CFAP300: variants seen among roughly 807,000 people sequenced by gnomAD.
CFAP300 encodes cilia and flagella associated protein 300, also known as cilia- and flagella-associated protein 300.
In CFAP300, 32 loss-of-function variants were observed where a neutral mutation model predicts 33.0. The observed-to-expected ratio is 0.97, with a 90% CI of 0.73 to 1.30. The LOEUF (loss-of-function observed/expected upper bound fraction) is 1.30, where lower values mean the gene tolerates loss of function less well. Ranked by LOEUF, CFAP300 falls within the 50% of genes most tolerant of loss-of-function variation. CFAP300 has a pLI of 0.00. For synonymous variants in CFAP300, 102 were observed against 106.8 expected (o/e 0.95, Z 0.28); for missense variants, 356 against 318.1 (o/e 1.12, Z -0.90).
In CFAP300 at chr11:102,057,372, G is replaced by A. The variant is rs537038400; in HGVS notation, c.193-1508G>A. Reference sequence around the variant, plus strand: ...AAAAAAAGAAAAAAAGAAAACTTTCGTTCCATGCACCAGCAGCTGACTCAA... The same window carrying A: ...AAAAAAAGAAAAAAAGAAAACTTTCATTCCATGCACCAGCAGCTGACTCAA... On this transcript the variant is annotated intron_variant, in intron 2 of 6. Transcript: ENST00000434758. Among the ~76,000 whole-genome samples the A allele has an allele frequency of 1.6e-4, 24 of 149,794 alleles. 1 individual carries two copies. In the South Asian group the frequency reaches 2.5e-3, roughly 16 times the overall value.
chr11:102,059,676 C>A (rs568689849), intron 3 of CFAP300, among the ~76,000 whole-genome samples: 1 of 151,912 alleles, frequency 6.6e-6, no homozygotes, highest in Admixed American at 6.6e-5. Context: ...AAAGTGTGGG[C>A]AAGAATGGTC....
chr11:102,077,286 A>G (rs1279440037), intron 5 of CFAP300, among the ~76,000 whole-genome samples: 1 of 152,220 alleles, frequency 6.6e-6, no homozygotes, highest in Non-Finnish European at 1.5e-5. Flanking sequence ...TTTTCCCAAC[A>G]TTCCCTTCTC....
At chr11:102,076,635 A>T (rs1005096851) in intron 5 of CFAP300, among the ~76,000 whole-genome samples, 4 of 152,236 alleles carry the variant, frequency 2.6e-5, no homozygotes, top group African/African-American at 9.6e-5. Flanking sequence ...TTATGAAGAT[A>T]TTGGATCATC....
chr11:102,072,259 C>G (rs1276619604), intron 4 of CFAP300, among the ~76,000 whole-genome samples: 1 of 151,712 alleles, frequency 6.6e-6, no homozygotes, highest in African/African-American at 2.4e-5. Flanking sequence ...TTTATGTAGT[C>G]TATTGTTGAA....
chr11:102,064,502 T>C (rs1942195541), intron 3 of CFAP300, among the ~76,000 whole-genome samples: 1 of 152,228 alleles, frequency 6.6e-6, no homozygotes. Context: ...AGTTCCTGGC[T>C]CCAGGCATCC....
At position 102,047,801 on chromosome 11, in the gene CFAP300, C is replaced by G. The variant is rs749664654; in HGVS notation, c.111-14C>G. 1 of 1,613,148 alleles carries G rather than the reference C, an allele frequency of 6.2e-7. No individual in the cohort carries two copies. Among genetic ancestry groups the G allele is most frequent in the South Asian group, 1.1e-5 (1 of 90,882 alleles). Reference sequence around the variant, plus strand: ...CCAGCCCCCAGATGATTTCTTTTTCCTCCTCTGCCCCAGGTCCATGCTGGG... The same window carrying G: ...CCAGCCCCCAGATGATTTCTTTTTCGTCCTCTGCCCCAGGTCCATGCTGGG... On this transcript the variant is annotated splice_polypyrimidine_tract_variant and intron_variant, in intron 1 of 6. Coordinates refer to ENST00000434758, the MANE Select transcript of CFAP300 (RefSeq NM_032930.3).
chr11:102,082,708 T>C (rs936868990), intron 6 of CFAP300, among the ~76,000 whole-genome samples: 6 of 152,096 alleles, frequency 3.9e-5, no homozygotes, highest in Non-Finnish European at 1.5e-5. Context: ...TACTAACTAA[T>C]TTAGGATTGG....
chr11:102,084,209 A>G lies in CFAP300; in HGVS notation c.*1010A>G, dbSNP rs1303857445. On this transcript the variant is annotated 3_prime_UTR_variant, in exon 7 of 7. Coordinates refer to ENST00000434758, the MANE Select transcript of CFAP300 (RefSeq NM_032930.3). ...CTTATTTCATTCATAGAATGAATGT[A>G]TAACCTAGATTGTTTTTGGTTTATT... 6.6e-6 allele frequency: 1 copy of G among 152,226 alleles called. No homozygotes were observed. Among genetic ancestry groups the G allele is most frequent in the Admixed American group, 6.5e-5 (1 of 15,286 alleles). The allele number at this position is 152,226 out of a possible 1,614,324, so 9.4% of individuals were successfully genotyped here.
At chr11:102,057,416 A>G (rs1173282434) in intron 2 of CFAP300, among the ~76,000 whole-genome samples, 1 of 147,560 alleles carries the variant, frequency 6.8e-6, no homozygotes, top group Non-Finnish European at 1.5e-5. Flanking sequence ...GGCAGAAGAA[A>G]ATTTAGGTTT....
chr11:102,047,598 A>T lies in CFAP300; in HGVS notation c.110+18A>T. ...CGCCAGTGGTGAGGAACCGAGGCAC[A>T]GGGAGAGAAGAGGCCCTTGGTCTTC... On this transcript the variant is annotated intron_variant, in intron 1 of 6. Coordinates refer to ENST00000434758, the MANE Select transcript of CFAP300 (RefSeq NM_032930.3). 1 of 1,532,038 alleles carries T rather than the reference A, an allele frequency of 6.5e-7. No homozygotes were observed. Among genetic ancestry groups the T allele is most frequent in the Non-Finnish European group, 8.7e-7 (1 of 1,143,152 alleles). The allele number at this position is 1,532,038 out of a possible 1,614,324, so 94.9% of individuals were successfully genotyped here. A position where few individuals can be genotyped will look rare whatever the true frequency, so the allele number is the denominator to read the frequency against.
In CFAP300 at chr11:102,057,057, C is replaced by T. The variant is rs550632343; in HGVS notation, c.193-1823C>T. On this transcript the variant is annotated intron_variant, in intron 2 of 6. Coordinates refer to ENST00000434758, the MANE Select transcript of CFAP300 (RefSeq NM_032930.3). ...TAATTATAAAATAAAAAAGAGCTAGCCTGGGTGCGGTGACTCACGCCTGTA... is the reference window on the plus strand; with the variant it reads ...TAATTATAAAATAAAAAAGAGCTAGTCTGGGTGCGGTGACTCACGCCTGTA... Among the ~76,000 whole-genome samples, 7 of 151,860 alleles carry T rather than the reference C, an allele frequency of 4.6e-5. No individual in the cohort carries two copies. The South Asian group carries it at 1.5e-3, about 32-fold the overall frequency.
chr11:102,054,763 G>A lies in CFAP300; in HGVS notation c.193-4117G>A, dbSNP rs1942024928. ...AAAAAAAAAAAAGTGAGACAGTTTA[G>A]ATTCCTCTCTGAAGAAGGTATTCCT... On this transcript the variant is annotated intron_variant, in intron 2 of 6. Coordinates refer to ENST00000434758, the MANE Select transcript of CFAP300 (RefSeq NM_032930.3). Among the ~76,000 whole-genome samples the A allele has an allele frequency of 4.1e-5, 6 of 146,002 alleles. No individual in the cohort carries two copies. In the South Asian group the frequency reaches 1.3e-3, roughly 32 times the overall value.
intron 4 of CFAP300, among the ~76,000 whole-genome samples, chr11:102,070,714 C>T (rs1168404312): frequency 6.6e-6 from 1 of 152,066 alleles, no homozygotes; most frequent in East Asian, 1.9e-4. Context: ...ACTAATTTTG[C>T]TATATTCCAT....
intron 4 of CFAP300, among the ~76,000 whole-genome samples, chr11:102,067,141 A>T (rs1436721610): frequency 6.6e-6 from 1 of 152,050 alleles, no homozygotes; most frequent in East Asian, 1.9e-4. Flanking sequence ...GGAGTTCAAG[A>T]CCAGCCTGGG....
chr11:102,072,069 A>AT (rs1227652491), intron 4 of CFAP300, among the ~76,000 whole-genome samples: 3 of 152,012 alleles, frequency 2.0e-5, no homozygotes, highest in South Asian at 2.1e-4. Context: ...TGTTAAATAG[A>AT]TTTTTTTTAT....
intron 2 of CFAP300, 50 bp downstream of exon 2, chr11:102,047,946 T>A: frequency 1.9e-6 from 3 of 1,573,954 alleles, no homozygotes; most frequent in Non-Finnish European, 2.6e-6. Flanking sequence ...ATTTTTAAAC[T>A]TCCCCCCAAG....
At chr11:102,059,323 A>G (rs937128097) in intron 3 of CFAP300, among the ~76,000 whole-genome samples, 14 of 125,982 alleles carry the variant, frequency 1.1e-4, no homozygotes, top group Middle Eastern at 7.7e-3. Flanking sequence ...GTGTGTGTGT[A>G]TGTACTAATA....
intron 5 of CFAP300, among the ~76,000 whole-genome samples, chr11:102,080,472 C>A (rs1027353719): frequency 1.3e-5 from 2 of 152,112 alleles, no homozygotes; most frequent in Non-Finnish European, 2.9e-5. Flanking sequence ...GACTGGAGTG[C>A]AATGGTGCAA....
At chr11:102,056,599 G>C (rs1012862237) in intron 2 of CFAP300, among the ~76,000 whole-genome samples, 3 of 151,620 alleles carry the variant, frequency 2.0e-5, no homozygotes, top group African/African-American at 7.3e-5. Context: ...GGGGTTTTTT[G>C]TTTGTTTGTT....
Sources: gnomAD v4.1 joint callset for allele counts (sites outside exome capture counted in the v4.1 genomes callset) on GRCh38, gnomAD v4.1.1 for gene constraint, MANE v1.5 for transcripts, NCBI Gene and HGNC (gene_info 2026-07-23, HGNC 2026-07-21) for gene names.